Variants in SNX25 observed in about 807,000 individuals in gnomAD.
The protein encoded by SNX25 is sorting nexin 25.
SNX25 carries 62 observed loss-of-function variants against 113.7 expected under a neutral mutation model. That is an observed-to-expected ratio of 0.55 (90% CI 0.44 to 0.67). SNX25 has a LOEUF of 0.67. Among genes scored for constraint, SNX25 ranks in the 30% least tolerant of loss-of-function variants. The pLI, the probability that SNX25 is intolerant of heterozygous loss-of-function variation, is 0.00. For synonymous variants in SNX25, 421 were observed against 436.2 expected, an observed-to-expected ratio of 0.97 and a Z score of 0.43; for missense variants, 1,014 against 1,161.0, an observed-to-expected ratio of 0.87 and a Z score of 1.84.
At chr4:185,291,743 G>C (rs886393428) in intron 6 of SNX25, among the ~76,000 whole-genome samples, 2 of 152,144 alleles carry the variant, frequency 1.3e-5, no homozygotes, top group Admixed American at 1.3e-4. Context: ...CTCTGGTTTT[G>C]CGTCTCTGTT....
chr4:185,340,567 G>A (rs1432122733), intron 11 of SNX25, among the ~76,000 whole-genome samples: 3 of 152,168 alleles, frequency 2.0e-5, no homozygotes, highest in Non-Finnish European at 4.4e-5. Context: ...GTTACTGTTT[G>A]GGTGGAACTG....
At chr4:185,235,912 G>A (rs1230722741) in intron 1 of SNX25, among the ~76,000 whole-genome samples, 2 of 152,120 alleles carry the variant, frequency 1.3e-5, no homozygotes, top group East Asian at 1.9e-4. Context: ...GCTAGGGGCC[G>A]AAGAGAGAGT....
rs554902739 is a variant in SNX25, at chr4:185,259,131, G to A, written c.731+67G>A. 4.4e-5 allele frequency: 62 copies of A among 1,398,522 alleles called. No homozygotes were observed. The South Asian group carries it at 7.7e-4, about 17-fold the overall frequency. The allele number at this position is 1,398,522 out of a possible 1,614,324, so 86.6% of individuals were successfully genotyped here. A position where few individuals can be genotyped will look rare whatever the true frequency, so the allele number is the denominator to read the frequency against. On this transcript the variant is annotated intron_variant, in intron 3 of 18. Transcript: ENST00000652585. ...TTTTTTAATTGAGTAAAAGGTCAAA[G>A]TCAAGATAAAACTCTAGAATATTCT... is the stretch of plus-strand genomic sequence containing the variant.
At chr4:185,319,780 G>T (rs2095105839) in intron 7 of SNX25, among the ~76,000 whole-genome samples, 1 of 152,144 alleles carries the variant, frequency 6.6e-6, no homozygotes, top group African/African-American at 2.4e-5. Flanking sequence ...TAAATATTCA[G>T]TAAGCTTTAT....
Position 185,264,425 on chromosome 4 carries a change from T to G in SNX25, c.732-13T>G, listed in dbSNP as rs558992069. 1.9e-6 allele frequency: 3 copies of G among 1,604,890 alleles called. No individual in the cohort carries two copies. Among genetic ancestry groups the G allele is most frequent in the Non-Finnish European group, 2.6e-6 (3 of 1,175,526 alleles). On this transcript the variant is annotated splice_polypyrimidine_tract_variant and intron_variant, in intron 3 of 18. Coordinates refer to ENST00000652585, the MANE Select transcript of SNX25 (RefSeq NM_001378034.2). ...AGAAACTTCTTTCCTTCTTTTTCAC[T>G]CTCTTTATTTAGACATGAAGAACAG...
At chr4:185,282,866 A>G (rs1750820234) in intron 5 of SNX25, among the ~76,000 whole-genome samples, 1 of 152,242 alleles carries the variant, frequency 6.6e-6, no homozygotes, top group Admixed American at 6.5e-5. Flanking sequence ...GCAAAGTCGT[A>G]TCCTCCTCTG....
At chr4:185,217,384 T>G (rs3108290) in intron 1 of SNX25, among the ~76,000 whole-genome samples, 38,909 of 152,108 alleles carry the variant, frequency 0.26, 6,038 homozygotes, top group African/African-American at 0.44. Flanking sequence ...ATTCTCATTA[T>G]TTATCATTAC....
chr4:185,376,643 T>G, the SNX25 span, among the ~76,000 whole-genome samples: 1 of 152,086 alleles, frequency 6.6e-6, no homozygotes. Flanking sequence ...ATATAAAAAT[T>G]TGATTTTTAA....
intron 1 of SNX25, among the ~76,000 whole-genome samples, chr4:185,242,002 T>C (rs1263008970): frequency 5.3e-5 from 8 of 152,210 alleles, no homozygotes; most frequent in Non-Finnish European, 1.0e-4. Context: ...TTTCATTAGC[T>C]TCTTTCTCTT....
rs536183152 is a variant in SNX25, at chr4:185,210,184, G to A, written c.358G>A (p.Ala120Thr). The A allele has an allele frequency of 7.6e-4, 752 of 984,890 alleles. 7 individuals carry two copies. The African/African-American group carries it at 0.012, about 16-fold the overall frequency. The allele number at this position is 984,890 out of a possible 1,614,324, so 61.0% of individuals were successfully genotyped here. ...LFALVCRSPR[A>T]QPPDFAAAWS... Reference sequence around the variant, plus strand: ...TGCCCTCGTCTGCCGGAGCCCGCGCGCCCAGCCGCCCGACTTCGCCGCCGC... The same window carrying A: ...TGCCCTCGTCTGCCGGAGCCCGCGCACCCAGCCGCCCGACTTCGCCGCCGC... The change falls in exon 1 of 19, where the codon GCC (alanine) becomes ACC (threonine). Residue 120 changes from alanine (A) to threonine (T), a missense_variant. Coordinates refer to ENST00000652585, the MANE Select transcript of SNX25 (RefSeq NM_001378034.2). The surrounding 1 kb of genome is among the most constrained non-coding windows in gnomAD (Gnocchi z 4.4).
Position 185,363,258 on chromosome 4 carries a change from G to A in SNX25, c.2935-127G>A. 1.3e-6 allele frequency: 1 copy of A among 767,668 alleles called. No individual in the cohort carries two copies. The allele number at this position is 767,668 out of a possible 1,614,324, so 47.6% of individuals were successfully genotyped here. ...GTTACCAATATTAAATACTGTTTGA[G>A]AGTTACTTGTTTACTGAGATAATTT... On this transcript the variant is annotated intron_variant, in intron 18 of 18. Coordinates refer to ENST00000652585, the MANE Select transcript of SNX25 (RefSeq NM_001378034.2). This position sits in a 1 kb window ranked among gnomAD's most constrained non-coding sequence, Gnocchi z 4.2.
At chr4:185,270,911 A>G (rs192713568) in intron 5 of SNX25, among the ~76,000 whole-genome samples, 1 of 152,272 alleles carries the variant, frequency 6.6e-6, no homozygotes, top group African/African-American at 2.4e-5. Flanking sequence ...AGCACATTTT[A>G]TCCTTTCACC....
intron 5 of SNX25, among the ~76,000 whole-genome samples, chr4:185,281,726 A>G (rs1049918076): frequency 3.9e-5 from 6 of 152,220 alleles, no homozygotes; most frequent in African/African-American, 1.4e-4. Context: ...TTCTTATAAA[A>G]TTCTTTAAGC....
chr4:185,240,295 T>C (rs79619021), intron 1 of SNX25, among the ~76,000 whole-genome samples: 236 of 151,706 alleles, frequency 1.6e-3, no homozygotes, highest in East Asian at 2.9e-3. Context: ...ACCTCCCAGA[T>C]GGGGTGGTGG....
At chr4:185,279,984 G>A (rs769295472) in intron 5 of SNX25, among the ~76,000 whole-genome samples, 11 of 151,916 alleles carry the variant, frequency 7.2e-5, no homozygotes, top group Non-Finnish European at 1.0e-4. Flanking sequence ...GCAGTGGCGC[G>A]ATCACAGCTC....
At chr4:185,206,268 C>T (rs1737184117), upstream of SNX25, among the ~76,000 whole-genome samples, 1 of 152,174 alleles carries the variant, frequency 6.6e-6, no homozygotes, top group Admixed American at 6.5e-5. Context: ...TATCAACAGA[C>T]AGATGAAGCA....
intron 5 of SNX25, among the ~76,000 whole-genome samples, chr4:185,286,312 C>A (rs1449425318): frequency 6.6e-6 from 1 of 152,012 alleles, no homozygotes; most frequent in East Asian, 1.9e-4. Flanking sequence ...GATGAGATCT[C>A]ACTATACTGC....
chr4:185,268,288 G>A (rs1360524388), intron 5 of SNX25, among the ~76,000 whole-genome samples: 1 of 152,128 alleles, frequency 6.6e-6, no homozygotes, highest in Non-Finnish European at 1.5e-5. Context: ...GCTTGGGTTT[G>A]GGAATAAGAG....
chr4:185,235,221 G>A (rs540853658), intron 1 of SNX25, among the ~76,000 whole-genome samples: 1 of 152,248 alleles, frequency 6.6e-6, no homozygotes, highest in Non-Finnish European at 1.5e-5. Flanking sequence ...GATACATGGT[G>A]TAATAAGCTA....
Sources: allele counts gnomAD v4.1 joint callset (sites outside exome capture counted in the v4.1 genomes callset), GRCh38; gene constraint gnomAD v4.1.1; non-coding constraint Gnocchi (gnomAD v3.1); transcripts MANE v1.5; gene names NCBI Gene and HGNC (gene_info 2026-07-23, HGNC 2026-07-21).